GNL3: variants seen among roughly 807,000 people sequenced by gnomAD.
The protein encoded by GNL3 is guanine nucleotide-binding protein-like 3.
GNL3 carries 77 observed loss-of-function variants against 70.6 expected under a neutral mutation model. The ratio of observed to expected loss-of-function variants is 1.09; its 90% CI spans 0.91 to 1.32. GNL3 has a LOEUF of 1.32. GNL3 is among the 40% of genes most tolerant of loss of function. The probability of loss-of-function intolerance (pLI) is 0.00; values close to 1 mark genes in which losing one functional copy is unlikely to be tolerated. For missense variants in GNL3, 634 were observed against 644.0 expected, an observed-to-expected ratio of 0.98 and a Z score of 0.17; for synonymous variants, 252 against 216.1, an observed-to-expected ratio of 1.17 and a Z score of -1.46.
intron 5 of GNL3, among the ~76,000 whole-genome samples, 169 bp downstream of exon 5, chr3:52,688,361 C>A (rs1239652693): frequency 6.6e-6 from 1 of 152,092 alleles, no homozygotes; most frequent in Non-Finnish European, 1.5e-5. Flanking sequence ...AGGTATTAAG[C>A]CTAGTACGAC....
chr3:52,690,364 G>A (rs569927401), intron 6 of GNL3, among the ~76,000 whole-genome samples: 14 of 152,228 alleles, frequency 9.2e-5, no homozygotes, highest in East Asian at 3.9e-4. Flanking sequence ...CCGGGTTCAC[G>A]CCGTTCTCCT....
In GNL3 at chr3:52,686,112, G is replaced by A; in HGVS notation, c.13+7G>A. The A allele has an allele frequency of 6.4e-7, 1 of 1,558,486 alleles. No homozygotes were observed. The highest frequency in any genetic ancestry group is 8.8e-7 in the Non-Finnish European group (1 of 1,130,436). On this transcript the variant is annotated splice_region_variant and intron_variant, in intron 1 of 14. Transcript: ENST00000418458. ...GCCAATATGAAAAGGCCTAGTAAGTGGGGTCGGGAGGCGGGCGTGGAGGGA... is the reference window on the plus strand; with the variant it reads ...GCCAATATGAAAAGGCCTAGTAAGTAGGGTCGGGAGGCGGGCGTGGAGGGA...
Position 52,687,746 on chromosome 3 carries a change from C to G in GNL3, c.324+131C>G, listed in dbSNP as rs1012329464. ...CACCCAGGCTCAAGCAGTCTTACCA[C>G]CTCAGTCTCCAAGTAGCTGGGACTA... On this transcript the variant is annotated intron_variant, in intron 4 of 14. Transcript: ENST00000418458. The G allele has an allele frequency of 1.6e-5, 10 of 629,118 alleles. No individual in the cohort carries two copies. The African/African-American group carries it at 1.7e-4, about 10-fold the overall frequency. 39.0% of individuals were successfully genotyped at this position (629,118 alleles called of 1,614,324 possible).
rs2097315890 is a variant in GNL3 at position 52,686,920 on chromosome 3, G to A, written c.72+93G>A. On this transcript the variant is annotated intron_variant, in intron 2 of 14. Transcript: ENST00000418458. Reference sequence around the variant, plus strand: ...GGGAAAGTCTGGGTTAATGTGATTTGGTTTTGGGAAATGGCATTGGATAGA... The same window carrying A: ...GGGAAAGTCTGGGTTAATGTGATTTAGTTTTGGGAAATGGCATTGGATAGA... 9 of 979,230 alleles carry A rather than the reference G, an allele frequency of 9.2e-6. No individual in the cohort carries two copies. The South Asian group carries it at 1.1e-4, about 12-fold the overall frequency. The allele number at this position is 979,230 out of a possible 1,614,324, so 60.7% of individuals were successfully genotyped here. A position where few individuals can be genotyped will look rare whatever the true frequency, so the allele number is the denominator to read the frequency against.
rs2097315998 is a variant in GNL3 at position 52,686,944 on chromosome 3, G to A, written c.72+117G>A. The stretch of plus-strand genomic sequence containing the variant: ...TGGTTTTGGGAAATGGCATTGGATA[G>A]ACTGACCATGGGCACAAGCTCTTAG... On this transcript the variant is annotated intron_variant, in intron 2 of 14. Transcript: ENST00000418458. 4 of 737,756 alleles carry A rather than the reference G, an allele frequency of 5.4e-6. No individual in the cohort carries two copies. The African/African-American group carries it at 7.0e-5, about 13-fold the overall frequency. The allele number at this position is 737,756 out of a possible 1,614,324, so 45.7% of individuals were successfully genotyped here.
intron 1 of GNL3, chr3:52,686,566 A>G: frequency 1.7e-6 from 1 of 599,582 alleles, no homozygotes; most frequent in South Asian, 2.0e-5. Flanking sequence ...GGGTAAGTGC[A>G]GGGAATTTTG....
rs71087009 is a variant in GNL3, at chr3:52,692,369, A to ACTTTTT, written c.870-503_870-502insCTTTTT. 2.4e-4 allele frequency among the ~76,000 whole-genome samples: 30 copies of ACTTTTT among 126,380 alleles called. 2 individuals carry two copies. Among genetic ancestry groups the ACTTTTT allele is most frequent in the Admixed American group, 4.5e-4 (5 of 11,132 alleles). 82.9% of individuals were successfully genotyped at this position (126,380 alleles called of 152,430 possible). A position where few individuals can be genotyped will look rare whatever the true frequency, so the allele number is the denominator to read the frequency against. On this transcript the variant is annotated intron_variant, in intron 9 of 14. Coordinates refer to ENST00000418458, the MANE Select transcript of GNL3 (RefSeq NM_014366.5). ...GCCACTGTGCCTGGCCAACTTTTAGATTTTTTTTTTTTGGGAGATGGAGTC... is the reference window on the plus strand; with the variant it reads ...GCCACTGTGCCTGGCCAACTTTTAGACTTTTTTTTTTTTTTTTTGGGAGATGGAGTC...
Position 52,694,042 on chromosome 3 carries a change from C to T in GNL3, c.1506C>T (p.Asn502=), listed in dbSNP as rs151237641. ...TATTTTTCTTTGTCACACAGGAAAA[C>T]AGCTCAGGCATGTTTGCTGCAGAAG... is the stretch of plus-strand genomic sequence containing the variant. The part of the protein sequence containing the change: ...QETVDEEVDE[N]SSGMFAAEET... Residue 502 remains asparagine (N), a synonymous_variant, in exon 14 of 15, where the codon AAC becomes AAT. Transcript: ENST00000418458. The T allele has an allele frequency of 1.2e-6, 2 of 1,613,330 alleles. No homozygotes were observed. Among genetic ancestry groups the T allele is most frequent in the Non-Finnish European group, 1.7e-6 (2 of 1,179,256 alleles).
In GNL3 at chr3:52,692,955, C is replaced by G; in HGVS notation, c.953C>G (p.Ser318Cys). The change falls in exon 10 of 15, where the codon TCT becomes TGT. Residue 318 changes from serine (S) to cysteine (C), a missense_variant. Coordinates refer to ENST00000418458, the MANE Select transcript of GNL3 (RefSeq NM_014366.5). ...SFIVSPLNSS[S>C]ALALRSPASI... ...ATCGTATCTCCACTTAATTCCTCCT[C>G]TGCGCTTGCTCTGCGAAGTCCAGCA... 1.2e-6 allele frequency: 2 copies of G among 1,613,710 alleles called. No individual in the cohort carries two copies. Among genetic ancestry groups the G allele is most frequent in the East Asian group, 2.2e-5 (1 of 44,878 alleles).
chr3:52,686,839 G>C lies in GNL3; in HGVS notation c.72+12G>C. On this transcript the variant is annotated intron_variant, in intron 2 of 14. Transcript: ENST00000418458. ...AAATCCAAAAAAAGGTAAGTGTAGTGCTTGAGAGAGCTGTACCAAACACAT... is the reference window on the plus strand; with the variant it reads ...AAATCCAAAAAAAGGTAAGTGTAGTCCTTGAGAGAGCTGTACCAAACACAT... 6.3e-7 allele frequency: 1 copy of C among 1,578,808 alleles called. No homozygotes were observed. The highest frequency in any genetic ancestry group is 1.7e-5 in the Admixed American group (1 of 59,934).
chr3:52,686,293 G>C, intron 1 of GNL3, 188 bp downstream of exon 1: 1 of 641,630 alleles, frequency 1.6e-6, no homozygotes, highest in Non-Finnish European at 2.7e-6. Flanking sequence ...TGTTAACCGC[G>C]CGGGCTCATT....
Position 52,694,397 on chromosome 3 carries a change from C to T in GNL3, c.*122C>T, listed in dbSNP as rs1445026312. The T allele has an allele frequency of 1.7e-6, 1 of 604,304 alleles. No homozygotes were observed. The allele number at this position is 604,304 out of a possible 1,614,324, so 37.4% of individuals were successfully genotyped here. A position where few individuals can be genotyped will look rare whatever the true frequency, so the allele number is the denominator to read the frequency against. On this transcript the variant is annotated 3_prime_UTR_variant, in exon 15 of 15. Coordinates refer to ENST00000418458, the MANE Select transcript of GNL3 (RefSeq NM_014366.5). ...TTTGTGAATATGTATTATATTAAAA[C>T]CAGGCAACTTGGAATCCCTAAATTC... is the stretch of plus-strand genomic sequence containing the variant.
Position 52,688,168 on chromosome 3 carries a change from G to A in GNL3, c.384G>A (p.Lys128=), listed in dbSNP as rs1244907300. The change falls in exon 5 of 15, where the codon AAG becomes AAA. Residue 128 remains lysine (K), a synonymous_variant. Coordinates refer to ENST00000418458, the MANE Select transcript of GNL3 (RefSeq NM_014366.5). ...AGTCGGGCAAACAGAATTCAAAGAA[G>A]CTGTACTGCCAAGAACTTAAAAAGG... is the stretch of plus-strand genomic sequence containing the variant. ...KAKSGKQNSK[K]LYCQELKKVI... 2.5e-6 allele frequency: 4 copies of A among 1,607,868 alleles called. No individual in the cohort carries two copies. Among genetic ancestry groups the A allele is most frequent in the Middle Eastern group, 1.7e-4 (1 of 6,054 alleles).
At position 52,686,102 on chromosome 3, in the gene GNL3, C is replaced by T. The variant is rs1417905838; in HGVS notation, c.10C>T (p.Pro4Ser). The change falls in exon 1 of 15, where the codon CCT becomes TCT. Residue 4 changes from proline (P) to serine (S), a missense_variant. Coordinates refer to ENST00000418458, the MANE Select transcript of GNL3 (RefSeq NM_014366.5). MKRPKLKKASKRMT... is the reference protein window; with the variant it reads MKRSKLKKASKRMT... ...TCCTTCTACAGCCAATATGAAAAGGCCTAGTAAGTGGGGTCGGGAGGCGGG... is the reference window on the plus strand; with the variant it reads ...TCCTTCTACAGCCAATATGAAAAGGTCTAGTAAGTGGGGTCGGGAGGCGGG... 4 of 1,521,340 alleles carry T rather than the reference C, an allele frequency of 2.6e-6. No homozygotes were observed. The highest frequency in any genetic ancestry group is 3.3e-5 in the Admixed American group (2 of 59,904). The allele number at this position is 1,521,340 out of a possible 1,614,324, so 94.2% of individuals were successfully genotyped here. A position where few individuals can be genotyped will look rare whatever the true frequency, so the allele number is the denominator to read the frequency against.
At chr3:52,689,037 C>G in intron 5 of GNL3, 37 bp from the exon 6 acceptor site, 3 of 1,583,638 alleles carry the variant, frequency 1.9e-6, no homozygotes, top group African/African-American at 1.3e-5. Flanking sequence ...TCATTTTCTC[C>G]TTGATAATGT....
chr3:52,686,516 C>T (rs1489974436), intron 1 of GNL3: 10 of 577,350 alleles, frequency 1.7e-5, no homozygotes, highest in Admixed American at 1.3e-4. Context: ...CGTTTTGTGT[C>T]TCATACGCTG....
chr3:52,687,672 G>T (rs1198997893), intron 4 of GNL3, 57 bp downstream of exon 4: 36 of 1,089,950 alleles, frequency 3.3e-5, no homozygotes, highest in Non-Finnish European at 5.0e-5. Context: ...TGGTTTTTTT[G>T]CTTGGGCCTG....
At chr3:52,692,487 T>G (rs1390282132) in intron 9 of GNL3, among the ~76,000 whole-genome samples, 1 of 151,394 alleles carries the variant, frequency 6.6e-6, no homozygotes, top group African/African-American at 2.4e-5. Context: ...GGCTAATTTT[T>G]GTATTTTTAG....
chr3:52,686,177 C>G (rs1047557282), intron 1 of GNL3, 72 bp downstream of exon 1: 1 of 1,528,292 alleles, frequency 6.5e-7, no homozygotes, highest in Non-Finnish European at 9.1e-7. Context: ...CGACGCTCTT[C>G]TACGGCTACG....
Sources: gnomAD v4.1 joint callset for allele counts (sites outside exome capture counted in the v4.1 genomes callset) on GRCh38, gnomAD v4.1.1 for gene constraint, MANE v1.5 for transcripts, NCBI Gene and HGNC (gene_info 2026-07-23, HGNC 2026-07-21) for gene names.